Variants in ZFPM1 observed in about 807,000 individuals in gnomAD.
The protein encoded by ZFPM1 is zinc finger protein, FOG family member 1, also known as zinc finger protein ZFPM1.
In ZFPM1, 28 loss-of-function variants were observed where a neutral mutation model predicts 46.3. The ratio of observed to expected loss-of-function variants is 0.60; its 90% CI spans 0.45 to 0.83. The LOEUF (loss-of-function observed/expected upper bound fraction) is 0.83, where lower values mean the gene tolerates loss of function less well. Among genes scored for constraint, ZFPM1 ranks in the 40% least tolerant of loss-of-function variants. The pLI is 0.00. For synonymous variants in ZFPM1, 957 were observed against 675.9 expected (o/e 1.42, Z -6.45); for missense variants, 1,878 against 1,432.4 (o/e 1.31, Z -5.02).
At chr16:88,466,806 G>A (rs930118018) in intron 1 of ZFPM1, among the ~76,000 whole-genome samples, 16 of 152,130 alleles carry the variant, frequency 1.1e-4, no homozygotes, top group African/African-American at 1.9e-4. Flanking sequence ...AGTGACCAGC[G>A]TTTAAATCCT....
Position 88,534,097 on chromosome 16 carries a change from G to A in ZFPM1, c.2139G>A (p.Pro713=), listed in dbSNP as rs1240662442. ...RYYCASRHDP[P]PRRPAAPPGP... ...ACTGCGCCTCGCGCCACGACCCGCC[G>A]CCGCGCCGACCGGCCGCGCCCCCGG... Residue 713 remains proline, a synonymous_variant, in exon 10 of 10, where the codon CCG becomes CCA. Coordinates refer to ENST00000319555, the MANE Select transcript of ZFPM1 (RefSeq NM_153813.3). 2 of 1,181,912 alleles carry A rather than the reference G, an allele frequency of 1.7e-6. No individual in the cohort carries two copies. The highest frequency in any genetic ancestry group is 3.2e-5 in the Admixed American group (1 of 31,292). The allele number at this position is 1,181,912 out of a possible 1,614,324, so 73.2% of individuals were successfully genotyped here.
chr16:88,478,972 C>T (rs1291365982), intron 1 of ZFPM1, among the ~76,000 whole-genome samples: 2 of 152,182 alleles, frequency 1.3e-5, no homozygotes, highest in African/African-American at 4.8e-5. Flanking sequence ...GAAGGAGGCT[C>T]GAGGCTCCGA....
At position 88,534,768 on chromosome 16, in the gene ZFPM1, C is replaced by A. The variant is rs1913152822; in HGVS notation, c.2810C>A (p.Ala937Asp). Residue 937 changes from alanine (A) to aspartate (D), a missense_variant, in exon 10 of 10, where the codon GCC becomes GAC. Transcript: ENST00000319555. ...CCGCCCGGCCCGCCCCCGTCCCCGG[C>A]CGCCGCGCCCGAGGCCGTGCCGCCC... ...EPPPGPPPSP[A>D]AAPEAVPPPP... is the part of the protein sequence containing the mutation. 1 of 1,154,270 alleles carries A rather than the reference C, an allele frequency of 8.7e-7. No individual in the cohort carries two copies. The highest frequency in any genetic ancestry group is 1.1e-6 in the Non-Finnish European group (1 of 937,614). 71.5% of individuals were successfully genotyped at this position (1,154,270 alleles called of 1,614,324 possible). A position where few individuals can be genotyped will look rare whatever the true frequency, so the allele number is the denominator to read the frequency against.
rs891945393 is a variant in ZFPM1, at chr16:88,480,063, C to G, written c.41-5876C>G. 6.6e-6 allele frequency among the ~76,000 whole-genome samples: 1 copy of G among 151,984 alleles called. No individual in the cohort carries two copies. The highest frequency in any genetic ancestry group is 2.4e-5 in the African/African-American group (1 of 41,324). ...CAGCCTTTGGCAAGACAGTTTGATC[C>G]GCTGAAACCAGGCTCAGGGAGAAGC... On this transcript the variant is annotated intron_variant, in intron 1 of 9. Coordinates refer to ENST00000319555, the MANE Select transcript of ZFPM1 (RefSeq NM_153813.3). The surrounding 1 kb of genome is among the most constrained non-coding windows in gnomAD (Gnocchi z 4.9).
At chr16:88,478,832 G>A (rs546611012) in intron 1 of ZFPM1, among the ~76,000 whole-genome samples, 48 of 152,336 alleles carry the variant, frequency 3.2e-4, no homozygotes, top group African/African-American at 1.1e-3. Context: ...GCCAACCTGA[G>A]GACCCATGGG....
At chr16:88,489,287 A>G (rs1354878497) in intron 3 of ZFPM1, 134 bp downstream of exon 3, 1 of 1,357,696 alleles carries the variant, frequency 7.4e-7, no homozygotes. Context: ...GCCTGTGCCT[A>G]GTCCAAAGCT....
chr16:88,532,648 G>T lies in ZFPM1; in HGVS notation c.981G>T (p.Ser327=). 3 of 1,591,484 alleles carry T rather than the reference G, an allele frequency of 1.9e-6. No homozygotes were observed. The highest frequency in any genetic ancestry group is 2.6e-6 in the Non-Finnish European group (3 of 1,168,980). The change falls in exon 8 of 10, where the codon TCG becomes TCT. Residue 327 remains serine (S), a synonymous_variant. Coordinates refer to ENST00000319555, the MANE Select transcript of ZFPM1 (RefSeq NM_153813.3). Reference sequence around the variant, plus strand: ...CCTTCGTGTGCCTGATCTGCCTGTCGGCCTTCACCACCAAGGCCAACTGCG... The same window carrying T: ...CCTTCGTGTGCCTGATCTGCCTGTCTGCCTTCACCACCAAGGCCAACTGCG... The part of the protein sequence containing the change: ...ERPFVCLICL[S]AFTTKANCER...
Position 88,511,384 on chromosome 16 carries a change from G to C in ZFPM1, c.269-3003G>C, listed in dbSNP as rs138686062. ...GCCTCGCCGGGCCCCAGGCTTCCTG[G>C]TGGTGGGGTTGGGTGCTGACCATCT... On this transcript the variant is annotated intron_variant, in intron 3 of 9. Transcript: ENST00000319555. Among the ~76,000 whole-genome samples the C allele has an allele frequency of 2.7e-3, 415 of 152,208 alleles. 2 individuals are homozygous for C. The highest frequency in any genetic ancestry group is 9.3e-3 in the African/African-American group (386 of 41,518).
chr16:88,455,768 T>G (rs1209744583), intron 1 of ZFPM1, among the ~76,000 whole-genome samples: 1 of 152,166 alleles, frequency 6.6e-6, no homozygotes, highest in Non-Finnish European at 1.5e-5. Context: ...ATTTATTAAC[T>G]TCAAACGTGG....
intron 3 of ZFPM1, among the ~76,000 whole-genome samples, chr16:88,509,018 C>T (rs1318724461): frequency 3.3e-5 from 5 of 152,142 alleles, no homozygotes; most frequent in East Asian, 3.9e-4. Flanking sequence ...CTGGCCACCC[C>T]GGTCTGCCTC....
chr16:88,482,678 A>C (rs1909004368), intron 1 of ZFPM1, among the ~76,000 whole-genome samples: 1 of 152,122 alleles, frequency 6.6e-6, no homozygotes, highest in African/African-American at 2.4e-5. Flanking sequence ...AAGTCCCTGA[A>C]GGCAGGTGGC....
At position 88,514,611 on chromosome 16, in the gene ZFPM1, G is replaced by A. The variant is rs1911179270; in HGVS notation, c.402+91G>A. 3.0e-5 allele frequency: 43 copies of A among 1,410,048 alleles called. 1 individual carries two copies. Among genetic ancestry groups the A allele is most frequent in the Middle Eastern group, 2.5e-4 (1 of 3,934 alleles). 87.3% of individuals were successfully genotyped at this position (1,410,048 alleles called of 1,614,324 possible). A position where few individuals can be genotyped will look rare whatever the true frequency, so the allele number is the denominator to read the frequency against. ...CAGGCCCAGCTTAGATGCCAGCTCC[G>A]GGGCTCTGGCCACTTGAAGATGTGG... On this transcript the variant is annotated intron_variant, in intron 4 of 9. Coordinates refer to ENST00000319555, the MANE Select transcript of ZFPM1 (RefSeq NM_153813.3).
intron 1 of ZFPM1, among the ~76,000 whole-genome samples, chr16:88,461,603 G>A (rs567151640): frequency 1.2e-4 from 18 of 152,284 alleles, no homozygotes; most frequent in African/African-American, 4.3e-4. Context: ...CTAGGGACAC[G>A]TCTGTGAGGG....
intron 4 of ZFPM1, chr16:88,516,070 T>G: frequency 2.5e-6 from 1 of 398,248 alleles, no homozygotes. Flanking sequence ...CACTTCCTCC[T>G]CCCCGCACCC....
intron 1 of ZFPM1, among the ~76,000 whole-genome samples, chr16:88,475,433 G>A (rs765393858): frequency 6.6e-6 from 1 of 152,066 alleles, no homozygotes. Flanking sequence ...AGCAAGGGGA[G>A]AGACCAGACC....
chr16:88,533,528 C>A lies in ZFPM1; in HGVS notation c.1570C>A (p.Leu524Met). ...CGGCGAGCTGGGCCTGGCCGGGGCC[C>A]TGTTCCTTCCGCAGTACGTGTTCGG... ...VPGELGLAGALFLPQYVFGPD... is the reference protein window; with the variant it reads ...VPGELGLAGAMFLPQYVFGPD... Residue 524 changes from leucine to methionine, a missense_variant, in exon 10 of 10, where the codon CTG becomes ATG. Transcript: ENST00000319555. 1 of 1,451,926 alleles carries A rather than the reference C, an allele frequency of 6.9e-7. No homozygotes were observed. Among genetic ancestry groups the A allele is most frequent in the African/African-American group, 1.5e-5 (1 of 66,198 alleles). 89.9% of individuals were successfully genotyped at this position (1,451,926 alleles called of 1,614,324 possible). A position where few individuals can be genotyped will look rare whatever the true frequency, so the allele number is the denominator to read the frequency against.
rs867610217 is a variant in ZFPM1 at position 88,455,788 on chromosome 16, C to A, written c.40+2110C>A. Among the ~76,000 whole-genome samples, 3 of 152,276 alleles carry A rather than the reference C, an allele frequency of 2.0e-5. No homozygotes were observed. The South Asian group carries it at 6.2e-4, about 32-fold the overall frequency. ...TTAACTTCAAACGTGGGAGCGGGGGCAGGGCGAGGCGGGAGCGCGGCCTTG... is the reference window on the plus strand; with the variant it reads ...TTAACTTCAAACGTGGGAGCGGGGGAAGGGCGAGGCGGGAGCGCGGCCTTG... On this transcript the variant is annotated intron_variant, in intron 1 of 9. Transcript: ENST00000319555.
chr16:88,520,414 G>A (rs938839702), intron 4 of ZFPM1, among the ~76,000 whole-genome samples: 8 of 151,172 alleles, frequency 5.3e-5, no homozygotes, highest in African/African-American at 1.9e-4. Context: ...TAAATGAGTG[G>A]GTGAATGGGT....
At chr16:88,529,180 C>T (rs985760652) in intron 6 of ZFPM1, among the ~76,000 whole-genome samples, 1 of 124,790 alleles carries the variant, frequency 8.0e-6, no homozygotes. Context: ...CCAAGGACAG[C>T]GCGTGGCCAT....
Sources: gnomAD v4.1 joint callset for allele counts (sites outside exome capture counted in the v4.1 genomes callset) on GRCh38, gnomAD v4.1.1 for gene constraint, Gnocchi (gnomAD v3.1) non-coding constraint, MANE v1.5 for transcripts, NCBI Gene and HGNC (gene_info 2026-07-23, HGNC 2026-07-21) for gene names.